CREB5: variants seen among roughly 807,000 people sequenced by gnomAD.
CREB5 encodes the protein cyclic AMP-responsive element-binding protein 5.
Under a neutral mutation model 57.1 loss-of-function variants are expected in CREB5, and 19 were observed. The observed-to-expected ratio is 0.33, with a 90% CI of 0.23 to 0.49. The LOEUF (loss-of-function observed/expected upper bound fraction) is 0.49, where lower values mean the gene tolerates loss of function less well. Ranked by LOEUF, CREB5 falls within the 20% of genes least tolerant of loss-of-function variation. The pLI is 0.99. For synonymous variants in CREB5, 238 were observed against 238.3 expected (o/e 1.00, Z 0.01); for missense variants, 579 against 671.6 (o/e 0.86, Z 1.52).
At chr7:28,787,081 T>C (rs568484089) in intron 7 of CREB5, among the ~76,000 whole-genome samples, 1 of 152,270 alleles carries the variant, frequency 6.6e-6, no homozygotes, top group South Asian at 2.1e-4. Flanking sequence ...GGTCCGCCCA[T>C]ACCTGCTGTG....
At chr7:28,436,241 G>T (rs1788956603) in intron 1 of CREB5, among the ~76,000 whole-genome samples, 1 of 152,034 alleles carries the variant, frequency 6.6e-6, no homozygotes, top group South Asian at 2.1e-4. Context: ...AGCTGCAGAG[G>T]TCTTAGTAGC....
At chr7:28,539,295 G>A (rs1272052716) in intron 4 of CREB5, among the ~76,000 whole-genome samples, 1 of 152,188 alleles carries the variant, frequency 6.6e-6, no homozygotes, top group Admixed American at 6.5e-5. Flanking sequence ...TGATTATCCT[G>A]CTGGATCAAA....
intron 1 of CREB5, among the ~76,000 whole-genome samples, chr7:28,332,823 G>T (rs1437537320): frequency 1.3e-5 from 2 of 152,014 alleles, no homozygotes; most frequent in African/African-American, 4.8e-5. Context: ...CTAGCTACCT[G>T]GTTTTCATTG....
At chr7:28,811,938 C>T (rs1809142115) in intron 9 of CREB5, among the ~76,000 whole-genome samples, 1 of 152,216 alleles carries the variant, frequency 6.6e-6, no homozygotes, top group Non-Finnish European at 1.5e-5. Flanking sequence ...ATGATGCAAA[C>T]ATGTAGGTTT....
At chr7:28,519,178 T>C (rs1392676249) in intron 4 of CREB5, among the ~76,000 whole-genome samples, 3 of 152,210 alleles carry the variant, frequency 2.0e-5, no homozygotes, top group Non-Finnish European at 4.4e-5. Context: ...TTTTCCTGCA[T>C]GTCAGCAGTA....
chr7:28,452,317 T>C (rs1380384725), intron 1 of CREB5, among the ~76,000 whole-genome samples: 2 of 152,184 alleles, frequency 1.3e-5, no homozygotes, highest in African/African-American at 4.8e-5. Context: ...ATCATTCTTC[T>C]TTCTGACAAA....
intron 1 of CREB5, among the ~76,000 whole-genome samples, chr7:28,363,655 C>A (rs540935388): frequency 1.3e-5 from 2 of 151,908 alleles, no homozygotes; most frequent in South Asian, 2.1e-4. Context: ...TTTTTGTATC[C>A]TCCTTATTCA....
intron 5 of CREB5, among the ~76,000 whole-genome samples, chr7:28,651,167 A>G (rs1460141915): frequency 6.6e-6 from 1 of 152,216 alleles, no homozygotes; most frequent in Admixed American, 6.5e-5. Flanking sequence ...ATATCTTTGA[A>G]CAAATATACT....
intron 1 of CREB5, among the ~76,000 whole-genome samples, chr7:28,337,200 A>G (rs770814873): frequency 2.2e-4 from 34 of 152,018 alleles, no homozygotes; most frequent in Non-Finnish European, 4.0e-4. Context: ...TGAAATATCT[A>G]TTAGGGTCAG....
intron 1 of CREB5, among the ~76,000 whole-genome samples, chr7:28,456,085 C>T (rs1790082448): frequency 6.6e-6 from 1 of 152,164 alleles, no homozygotes; most frequent in Admixed American, 6.5e-5. Flanking sequence ...GTGTTATAAT[C>T]TTTTACAGTG....
intron 1 of CREB5, among the ~76,000 whole-genome samples, chr7:28,301,929 A>G (rs548928154): frequency 6.6e-6 from 1 of 152,342 alleles, no homozygotes; most frequent in South Asian, 2.1e-4. Context: ...GGTTTGCCAA[A>G]TAGGAAAAGT....
chr7:28,559,185 G>T (rs1193990212), intron 4 of CREB5, among the ~76,000 whole-genome samples: 1 of 152,166 alleles, frequency 6.6e-6, no homozygotes. Context: ...ACTTGGAAGG[G>T]CCCTCACTTC....
At chr7:28,450,036 G>A (rs928804797) in intron 1 of CREB5, among the ~76,000 whole-genome samples, 3 of 152,102 alleles carry the variant, frequency 2.0e-5, no homozygotes, top group South Asian at 4.2e-4. Context: ...TTGGACCACC[G>A]GAATGAAATC....
At chr7:28,734,352 C>T (rs1014496786) in intron 7 of CREB5, among the ~76,000 whole-genome samples, 2 of 151,846 alleles carry the variant, frequency 1.3e-5, no homozygotes, top group Non-Finnish European at 1.5e-5. Context: ...TGAAAATTTC[C>T]TTTGCCTTTT....
chr7:28,363,280 C>T (rs1786525787), intron 1 of CREB5, among the ~76,000 whole-genome samples: 1 of 151,962 alleles, frequency 6.6e-6, no homozygotes, highest in Admixed American at 6.6e-5. Context: ...TGGTCCTGAC[C>T]CATGAAGAAG....
At chr7:28,816,601 C>A (rs1212604704) in intron 9 of CREB5, among the ~76,000 whole-genome samples, 1 of 151,558 alleles carries the variant, frequency 6.6e-6, no homozygotes, top group Admixed American at 6.6e-5. Flanking sequence ...ATTAATGTTA[C>A]TCAATATGTG....
At chr7:28,315,706 C>A (rs1217425932) in intron 1 of CREB5, among the ~76,000 whole-genome samples, 1 of 152,236 alleles carries the variant, frequency 6.6e-6, no homozygotes, top group Non-Finnish European at 1.5e-5. Flanking sequence ...TCTTAATTCA[C>A]CTTCCTGTGT....
intron 4 of CREB5, among the ~76,000 whole-genome samples, chr7:28,543,246 GTTTCC>G (rs1006538045): frequency 2.0e-5 from 3 of 152,136 alleles, no homozygotes; most frequent in Non-Finnish European, 2.9e-5. Context: ...GAAAAGTAAA[GTTTCC>G]TTTCCTTCTG....
intron 1 of CREB5, among the ~76,000 whole-genome samples, chr7:28,455,504 T>G (rs556937754): frequency 6.6e-6 from 1 of 152,316 alleles, no homozygotes; most frequent in Non-Finnish European, 1.5e-5. Context: ...AAAAATGCTG[T>G]TTGTAAATTA....
Sources: gnomAD v4.1 joint callset for allele counts (sites outside exome capture counted in the v4.1 genomes callset) on GRCh38, gnomAD v4.1.1 for gene constraint, MANE v1.5 for transcripts, NCBI Gene and HGNC (gene_info 2026-07-23, HGNC 2026-07-21) for gene names.